The following CACNB2 variants were observed in gnomAD, a reference collection of about 807,000 sequenced individuals.
The protein encoded by CACNB2 is calcium voltage-gated channel auxiliary subunit beta 2.
CACNB2 carries 42 observed loss-of-function variants against 73.3 expected under a neutral mutation model. That is an observed-to-expected ratio of 0.57 (90% CI 0.45 to 0.74). The LOEUF (loss-of-function observed/expected upper bound fraction) is 0.74, where lower values mean the gene tolerates loss of function less well. CACNB2 is among the 30% of genes least tolerant of loss of function. The pLI is 0.00. For synonymous variants in CACNB2, 348 were observed against 310.3 expected, an observed-to-expected ratio of 1.12 and a Z score of -1.28; for missense variants, 940 against 853.0, an observed-to-expected ratio of 1.10 and a Z score of -1.27.
At chr10:18,180,416 G>T (rs572485533) in intron 2 of CACNB2, among the ~76,000 whole-genome samples, 1 of 150,812 alleles carries the variant, frequency 6.6e-6, no homozygotes, top group East Asian at 1.9e-4. Flanking sequence ...CAGGCAGGAT[G>T]ATATAATGGG....
intron 2 of CACNB2, among the ~76,000 whole-genome samples, chr10:18,230,410 A>C (rs1390218141): frequency 6.6e-6 from 1 of 152,154 alleles, no homozygotes; most frequent in South Asian, 2.1e-4. Flanking sequence ...AAACACATGA[A>C]TATAAATTCA....
At chr10:18,149,054 A>G (rs1168035173) in intron 1 of CACNB2, among the ~76,000 whole-genome samples, 3 of 152,062 alleles carry the variant, frequency 2.0e-5, no homozygotes, top group Non-Finnish European at 4.4e-5. Flanking sequence ...TTTGTTCTCA[A>G]AGATAATTCA....
chr10:18,426,889 A>G lies in CACNB2; in HGVS notation c.333+24846A>G, dbSNP rs539039536. On this transcript the variant is annotated intron_variant, in intron 3 of 13. Transcript: ENST00000324631. ...GTTAAGGAAGTTTTCTTCTATTTCT[A>G]GTTTGCTGTTTTTTTCTTAAAAATT... Among the ~76,000 whole-genome samples, 56 of 144,226 alleles carry G rather than the reference A, an allele frequency of 3.9e-4. 2 individuals are homozygous for G. The South Asian group carries it at 0.011, about 29-fold the overall frequency. The allele number at this position is 144,226 out of a possible 152,430, so 94.6% of individuals were successfully genotyped here. A position where few individuals can be genotyped will look rare whatever the true frequency, so the allele number is the denominator to read the frequency against.
chr10:18,390,878 G>C (rs2043437618), intron 2 of CACNB2, among the ~76,000 whole-genome samples: 1 of 152,188 alleles, frequency 6.6e-6, no homozygotes, highest in South Asian at 2.1e-4. Context: ...ACAAATGAGA[G>C]AATTAGCCAG....
intron 2 of CACNB2, among the ~76,000 whole-genome samples, chr10:18,233,573 C>T (rs559942074): frequency 3.3e-5 from 5 of 152,044 alleles, no homozygotes; most frequent in African/African-American, 9.6e-5. Flanking sequence ...GGGGTTTGAT[C>T]GCAAGCTCTG....
At chr10:18,453,303 T>C (rs535953842) in intron 3 of CACNB2, among the ~76,000 whole-genome samples, 1 of 152,322 alleles carries the variant, frequency 6.6e-6, no homozygotes, top group Non-Finnish European at 1.5e-5. Context: ...ATCAAACTCC[T>C]TCTCATGGTT....
At position 18,342,456 on chromosome 10, in the gene CACNB2, G is replaced by T. The variant is rs12572465; in HGVS notation, c.214-59468G>T. On this transcript the variant is annotated intron_variant, in intron 2 of 13. Coordinates refer to ENST00000324631, the MANE Select transcript of CACNB2 (RefSeq NM_201596.3). ...CAGCCTGGGCAGCATAGCAAGATCT[G>T]TGTCTACAGAAATAATAGTTATCAC... 1.5e-3 allele frequency among the ~76,000 whole-genome samples: 228 copies of T among 152,284 alleles called. 5 individuals are homozygous for T. In the East Asian group the frequency reaches 0.039, roughly 26 times the overall value.
chr10:18,514,763 A>T (rs1422346586), intron 7 of CACNB2, among the ~76,000 whole-genome samples: 1 of 152,224 alleles, frequency 6.6e-6, no homozygotes, highest in Non-Finnish European at 1.5e-5. Flanking sequence ...ATTTGTTTCA[A>T]CATTCAGGGA....
chr10:18,292,625 C>T (rs2039113447), intron 2 of CACNB2, among the ~76,000 whole-genome samples: 1 of 152,106 alleles, frequency 6.6e-6, no homozygotes, highest in East Asian at 1.9e-4. Flanking sequence ...CACTGCACTC[C>T]AGCCTGGGAG....
intron 2 of CACNB2, among the ~76,000 whole-genome samples, chr10:18,370,255 G>A (rs1051281671): frequency 1.3e-5 from 2 of 152,092 alleles, no homozygotes; most frequent in Non-Finnish European, 2.9e-5. Flanking sequence ...CGGCATTACC[G>A]TGGAGCTTGT....
At chr10:18,538,606 G>A (rs2053843046) in intron 13 of CACNB2, among the ~76,000 whole-genome samples, 1 of 152,072 alleles carries the variant, frequency 6.6e-6, no homozygotes. Flanking sequence ...CTGTGGAAGT[G>A]GATCACCTAG....
chr10:18,299,026 C>A (rs930839736), intron 2 of CACNB2, among the ~76,000 whole-genome samples: 3 of 143,370 alleles, frequency 2.1e-5, no homozygotes, highest in Non-Finnish European at 3.0e-5. Context: ...ATGTAACAAA[C>A]CTGCACGTTG....
intron 2 of CACNB2, among the ~76,000 whole-genome samples, chr10:18,198,909 C>T (rs913108811): frequency 3.3e-5 from 5 of 152,164 alleles, no homozygotes; most frequent in Non-Finnish European, 7.3e-5. Flanking sequence ...TGTTAAAATT[C>T]ACTCATTAAT....
At chr10:18,493,527 T>G (rs2049591215) in intron 3 of CACNB2, among the ~76,000 whole-genome samples, 1 of 152,138 alleles carries the variant, frequency 6.6e-6, no homozygotes, top group Non-Finnish European at 1.5e-5. Flanking sequence ...CTGGAAACAA[T>G]ATCACGGCAG....
At chr10:18,421,344 C>CTGGA (rs935294421) in intron 3 of CACNB2, among the ~76,000 whole-genome samples, 1 of 150,876 alleles carries the variant, frequency 6.6e-6, no homozygotes, top group Non-Finnish European at 1.5e-5. Context: ...GTTGCCCAGG[C>CTGGA]TGGAGTACAA....
chr10:18,446,344 A>T (rs1311135307), intron 3 of CACNB2, among the ~76,000 whole-genome samples: 1 of 152,206 alleles, frequency 6.6e-6, no homozygotes, highest in African/African-American at 2.4e-5. Context: ...GCAGAATTTT[A>T]AGCAAACTAA....
rs564142487 is a variant in CACNB2 at position 18,146,756 on chromosome 10, G to A, written c.121-4127G>A. 3.3e-5 allele frequency among the ~76,000 whole-genome samples: 5 copies of A among 152,216 alleles called. No individual in the cohort carries two copies. In the East Asian group the frequency reaches 7.7e-4, roughly 24 times the overall value. ...CTGCCTCTACCTCCCAAAGTGCTGG[G>A]ATGACAGGTGTGAGCCACTGTGCCC... On this transcript the variant is annotated intron_variant, in intron 1 of 13. Coordinates refer to ENST00000324631, the MANE Select transcript of CACNB2 (RefSeq NM_201596.3).
At chr10:18,228,433 C>CAAAA (rs1164745930) in intron 2 of CACNB2, among the ~76,000 whole-genome samples, 438 of 34,796 alleles carry the variant, frequency 0.013, 21 homozygotes, top group African/African-American at 0.035. Flanking sequence ...AACTCTACCT[C>CAAAA]AAAAAAAAAA....
intron 2 of CACNB2, among the ~76,000 whole-genome samples, chr10:18,342,028 G>A (rs938121177): frequency 3.9e-5 from 6 of 152,042 alleles, no homozygotes; most frequent in Admixed American, 6.6e-5. Flanking sequence ...CGGTTTCTGG[G>A]CATTAGATAT....
Sources: gnomAD v4.1 joint callset for allele counts (sites outside exome capture counted in the v4.1 genomes callset) on GRCh38, gnomAD v4.1.1 for gene constraint, MANE v1.5 for transcripts, NCBI Gene and HGNC (gene_info 2026-07-23, HGNC 2026-07-21) for gene names.